The following NHSL1 variants were observed in gnomAD, a reference collection of about 807,000 sequenced individuals.
NHSL1 encodes NHS like 1.
NHSL1 carries 48 observed loss-of-function variants against 95.0 expected under a neutral mutation model. The ratio of observed to expected loss-of-function variants is 0.51; its 90% CI spans 0.40 to 0.64. NHSL1 has a LOEUF of 0.64. NHSL1 is among the 30% of genes least tolerant of loss of function. NHSL1 has a pLI of 0.00. For synonymous variants in NHSL1, 783 were observed against 833.9 expected, an observed-to-expected ratio of 0.94 and a Z score of 1.05; for missense variants, 1,971 against 2,077.7, an observed-to-expected ratio of 0.95 and a Z score of 1.00.
intron 7 of NHSL1, among the ~76,000 whole-genome samples, chr6:138,425,600 G>A (rs1171925406): frequency 2.0e-5 from 3 of 152,118 alleles, no homozygotes; most frequent in Non-Finnish European, 4.4e-5. Flanking sequence ...ATAATGGCCA[G>A]TTTTCCTTGA....
chr6:138,496,414 T>C (rs1159574327), intron 1 of NHSL1, 43 bp from the exon 2 acceptor site: 3 of 1,538,690 alleles, frequency 1.9e-6, no homozygotes, highest in South Asian at 1.2e-5. Context: ...TCAACTTCAT[T>C]GGCTACGAGT....
chr6:138,430,198 T>A lies in NHSL1; in HGVS notation c.3952+195A>T, dbSNP rs1008661523. 6.6e-6 allele frequency among the ~76,000 whole-genome samples: 1 copy of A among 152,202 alleles called. No individual in the cohort carries two copies. The highest frequency in any genetic ancestry group is 1.5e-5 in the Non-Finnish European group (1 of 68,038). On this transcript the variant is annotated intron_variant, in intron 6 of 7. Coordinates refer to ENST00000343505, the MANE Select transcript of NHSL1 (RefSeq NM_001144060.2). The surrounding 1 kb of genome is among the most constrained non-coding windows in gnomAD (Gnocchi z 4.7). ...TTTCTGCCATGCCTTTAGGTCTAGA[T>A]TTTAAAAATAATAACAAAATGCAAA...
chr6:138,445,301 C>T (rs1406403703), intron 4 of NHSL1, among the ~76,000 whole-genome samples: 3 of 152,150 alleles, frequency 2.0e-5, no homozygotes, highest in Admixed American at 6.5e-5. Flanking sequence ...ATTTCTGCTG[C>T]ATTTAATCAA....
upstream of NHSL1, among the ~76,000 whole-genome samples, chr6:138,547,466 C>T (rs369735389): frequency 7.9e-5 from 12 of 152,280 alleles, no homozygotes; most frequent in East Asian, 7.7e-4. Flanking sequence ...CTGCAAGCTC[C>T]GTCTCCCAGG....
At chr6:138,588,585 G>A (rs1225869865) in intron 1 of NHSL1, among the ~76,000 whole-genome samples, 1 of 152,204 alleles carries the variant, frequency 6.6e-6, no homozygotes, top group East Asian at 1.9e-4. Flanking sequence ...GAACCTATCT[G>A]TCTTCACCAC....
At position 138,432,569 on chromosome 6, in the gene NHSL1, G is replaced by A. The variant is rs1162193840; in HGVS notation, c.1776C>T (p.Asn592=). ...MSSCSLDQTS[N]KEDAGSLYSE... ...AATACAGCGACCCAGCATCCTCTTT[G>A]TTGGACGTTTGGTCCAAACTGCAGC... is the stretch of plus-strand genomic sequence containing the variant. The change falls in exon 6 of 8, where the codon AAC becomes AAT. Residue 592 remains asparagine (N), a synonymous_variant. Coordinates refer to ENST00000343505, the MANE Select transcript of NHSL1 (RefSeq NM_001144060.2). The surrounding 1 kb of genome is among the most constrained non-coding windows in gnomAD (Gnocchi z 4.4). 21 of 1,551,840 alleles carry A rather than the reference G, an allele frequency of 1.4e-5. No homozygotes were observed. The highest frequency in any genetic ancestry group is 6.1e-6 in the Non-Finnish European group (7 of 1,147,042).
intron 1 of NHSL1, 97 bp from the exon 2 acceptor site, chr6:138,496,468 T>G: frequency 8.0e-7 from 1 of 1,254,328 alleles, no homozygotes. Flanking sequence ...CATCCACGGG[T>G]AAGGGCCAGC....
intron 1 of NHSL1, among the ~76,000 whole-genome samples, chr6:138,652,736 A>G (rs556341570): frequency 9.2e-5 from 14 of 152,220 alleles, no homozygotes; most frequent in Admixed American, 8.5e-4. Flanking sequence ...GAGAAACACA[A>G]AAGTGTGAAC....
rs181104622 is a variant in NHSL1, at chr6:138,650,514, T to C, written c.96+41962A>G. 6.0e-3 allele frequency: 3,837 copies of C among 639,234 alleles called. 30 individuals carry two copies. The highest frequency in any genetic ancestry group is 9.6e-3 in the Non-Finnish European group (3,251 of 339,372). 39.6% of individuals were successfully genotyped at this position (639,234 alleles called of 1,614,324 possible). A position where few individuals can be genotyped will look rare whatever the true frequency, so the allele number is the denominator to read the frequency against. On this transcript the variant is annotated intron_variant, in intron 1 of 3. Coordinates refer to the NHSL1 transcript ENST00000491526. ...ATCCACCAGGTAGGCACTGATGAAG[T>C]AGGCCAGTAGGTTACAGCCTCACAA...
chr6:138,589,749 G>A (rs1470672199), intron 1 of NHSL1, among the ~76,000 whole-genome samples: 1 of 151,948 alleles, frequency 6.6e-6, no homozygotes, highest in Non-Finnish European at 1.5e-5. Context: ...TCCCTCTGCT[G>A]ACAACCTCTG....
intron 1 of NHSL1, among the ~76,000 whole-genome samples, chr6:138,528,399 A>G (rs1343544569): frequency 1.3e-5 from 2 of 152,202 alleles, no homozygotes; most frequent in East Asian, 3.8e-4. Context: ...GAGTTCAGGA[A>G]GAAAGGAAGT....
intron 1 of NHSL1, among the ~76,000 whole-genome samples, chr6:138,602,657 T>C (rs1342039357): frequency 1.3e-5 from 2 of 152,250 alleles, no homozygotes; most frequent in Non-Finnish European, 2.9e-5. Flanking sequence ...ATTGTATTTT[T>C]AATTTCAGTT....
At chr6:138,533,549 AAAAAAAT>A (rs1485131372) in intron 1 of NHSL1, among the ~76,000 whole-genome samples, 2 of 152,226 alleles carry the variant, frequency 1.3e-5, no homozygotes, top group African/African-American at 4.8e-5. Flanking sequence ...ACTCCGTCTC[AAAAAAAT>A]AAAAAATAAA....
In NHSL1 at chr6:138,586,330, A is replaced by G. The variant is rs540892732; in HGVS notation, c.97-89959T>C. On this transcript the variant is annotated intron_variant, in intron 1 of 3. Coordinates refer to the NHSL1 transcript ENST00000491526. The stretch of plus-strand genomic sequence containing the variant: ...GTCTGGTCTCGAACTCCTGATCTCA[A>G]GTGATCTGCCCACCTTGGCCTCCCA... Among the ~76,000 whole-genome samples the G allele has an allele frequency of 2.0e-5, 3 of 152,180 alleles. No homozygotes were observed. In the East Asian group the frequency reaches 5.8e-4, roughly 30 times the overall value.
At chr6:138,548,932 T>C (rs1048627259), upstream of NHSL1, among the ~76,000 whole-genome samples, 5 of 150,622 alleles carry the variant, frequency 3.3e-5, no homozygotes, top group African/African-American at 1.2e-4. Flanking sequence ...TATAATTTAA[T>C]GTAGTGGGTT....
At chr6:138,600,634 T>C (rs1166927191) in intron 1 of NHSL1, among the ~76,000 whole-genome samples, 1 of 152,234 alleles carries the variant, frequency 6.6e-6, no homozygotes, top group African/African-American at 2.4e-5. Flanking sequence ...TTACTATCAA[T>C]TTAAATGAAA....
chr6:138,539,605 A>G (rs1221285817), intron 1 of NHSL1, among the ~76,000 whole-genome samples: 2 of 152,206 alleles, frequency 1.3e-5, no homozygotes, highest in East Asian at 3.8e-4. Flanking sequence ...GACAAACATG[A>G]AAATCAGCAA....
rs1042816883 is a variant in NHSL1, at chr6:138,431,596, T to C, written c.2749A>G (p.Met917Val). The C allele has an allele frequency of 3.9e-6, 6 of 1,551,630 alleles. No homozygotes were observed. Among genetic ancestry groups the C allele is most frequent in the Non-Finnish European group, 5.2e-6 (6 of 1,146,952 alleles). Residue 917 changes from methionine (M) to valine (V), a missense_variant, in exon 6 of 8, where the codon ATG becomes GTG. This residue lies in a region of NHSL1 where 1,602 missense variants were observed against 1,654.5 expected (regional missense o/e 0.97). Transcript: ENST00000343505. The surrounding 1 kb of genome is among the most constrained non-coding windows in gnomAD (Gnocchi z 4.0). ...SSTSTEGSGTMKKLDPAVGSP... is the reference protein window; with the variant it reads ...SSTSTEGSGTVKKLDPAVGSP... ...CCCACGGCTGGATCCAGCTTCTTCA[T>C]AGTGCCACTTCCTTCAGTAGAAGTA...
intron 1 of NHSL1, among the ~76,000 whole-genome samples, chr6:138,639,590 C>A (rs1430209430): frequency 9.3e-5 from 14 of 150,096 alleles, no homozygotes; most frequent in Non-Finnish European, 1.6e-4. Context: ...TGCAGTAAGC[C>A]GAGATCGGGC....
Sources: gnomAD v4.1 joint callset for allele counts (sites outside exome capture counted in the v4.1 genomes callset) on GRCh38, gnomAD v4.1.1 for gene constraint, gnomAD v4.1.1 regional missense constraint, Gnocchi (gnomAD v3.1) non-coding constraint, MANE v1.5 for transcripts, NCBI Gene and HGNC (gene_info 2026-07-23, HGNC 2026-07-21) for gene names.